The following RGS7 variants were observed in gnomAD, a reference collection of about 807,000 sequenced individuals.
RGS7 encodes the protein regulator of G protein signaling 7.
A neutral mutation model predicts 81.1 loss-of-function variants in RGS7; 27 were observed. The ratio of observed to expected loss-of-function variants is 0.33; its 90% CI spans 0.25 to 0.46. RGS7 has a LOEUF of 0.46. RGS7 is among the 20% of genes least tolerant of loss of function. The pLI is 1.00. For missense variants in RGS7, 396 were observed against 607.4 expected (o/e 0.65, Z 3.66); for synonymous variants, 208 against 207.7 (o/e 1.00, Z -0.01).
At chr1:240,906,166 A>C (rs1670777485) in intron 6 of RGS7, among the ~76,000 whole-genome samples, 1 of 152,150 alleles carries the variant, frequency 6.6e-6, no homozygotes, top group Non-Finnish European at 1.5e-5. Flanking sequence ...AGTTCACAAC[A>C]AGGCTGTGTT....
intron 2 of RGS7, 110 bp downstream of exon 2, chr1:241,355,589 C>G: frequency 2.2e-6 from 2 of 921,266 alleles, no homozygotes; most frequent in South Asian, 1.3e-5. Flanking sequence ...CACTGATGAT[C>G]TGGGAAATCC....
intron 2 of RGS7, among the ~76,000 whole-genome samples, chr1:241,300,384 C>A (rs1206737928): frequency 6.6e-6 from 1 of 152,088 alleles, no homozygotes; most frequent in Admixed American, 6.5e-5. Context: ...ATTAGGGTAT[C>A]AAATATCAAA....
intron 3 of RGS7, among the ~76,000 whole-genome samples, chr1:241,004,141 G>A (rs2058566501): frequency 6.6e-6 from 1 of 152,180 alleles, no homozygotes; most frequent in African/African-American, 2.4e-5. Flanking sequence ...TGTGTATAGA[G>A]GAGAAAGTTA....
At position 241,194,810 on chromosome 1, in the gene RGS7, GT is replaced by G. The variant is rs1558177094; in HGVS notation, c.79-96049del. Reference sequence around the variant, plus strand: ...CAAGAGATGTTCACCCCCCAAAGCAGTTACTAAAGGCTTGGAGGTTGACAGG... The same window carrying G: ...CAAGAGATGTTCACCCCCCAAAGCAGTACTAAAGGCTTGGAGGTTGACAGG... On this transcript the variant is annotated intron_variant, in intron 2 of 18. Coordinates refer to ENST00000440928, the MANE Select transcript of RGS7 (RefSeq NM_001364886.1). Among the ~76,000 whole-genome samples, 5 of 152,260 alleles carry G rather than the reference GT, an allele frequency of 3.3e-5. No homozygotes were observed. The East Asian group carries it at 9.7e-4, about 29-fold the overall frequency.
chr1:240,807,539 A>G (rs1442764250), intron 14 of RGS7, among the ~76,000 whole-genome samples: 2 of 152,218 alleles, frequency 1.3e-5, no homozygotes, highest in African/African-American at 4.8e-5. Context: ...ATGAGCTAGA[A>G]TTAGAATATC....
At chr1:240,800,505 T>C in intron 18 of RGS7, 136 bp downstream of exon 18, 1 of 432,378 alleles carries the variant, frequency 2.3e-6, no homozygotes, top group Non-Finnish European at 4.2e-6. Flanking sequence ...TTGCTCACAT[T>C]TCAACACACA....
chr1:241,001,542 AC>A (rs1688141822), intron 3 of RGS7, among the ~76,000 whole-genome samples: 1 of 152,162 alleles, frequency 6.6e-6, no homozygotes, highest in Non-Finnish European at 1.5e-5. Flanking sequence ...GGCACTATAA[AC>A]AAAATAAAAA....
chr1:241,063,473 C>G (rs989710269), intron 3 of RGS7, among the ~76,000 whole-genome samples: 2 of 152,150 alleles, frequency 1.3e-5, no homozygotes, highest in Non-Finnish European at 2.9e-5. Flanking sequence ...GCACTACAGC[C>G]GCTCAGCATG....
chr1:240,862,925 A>G (rs1021560924), intron 9 of RGS7, among the ~76,000 whole-genome samples: 14 of 144,562 alleles, frequency 9.7e-5, no homozygotes, highest in South Asian at 4.5e-4. Flanking sequence ...TAAACTAAAT[A>G]TGTGTGTGTG....
chr1:240,886,040 T>C (rs10926375), intron 6 of RGS7, among the ~76,000 whole-genome samples: 68,077 of 152,066 alleles, frequency 0.45, 15,785 homozygotes, highest in East Asian at 0.53. Flanking sequence ...CAATGCAATA[T>C]CTATTTTAAA....
chr1:241,147,895 A>G (rs895457819), intron 2 of RGS7, among the ~76,000 whole-genome samples: 4 of 141,632 alleles, frequency 2.8e-5, no homozygotes, highest in African/African-American at 5.2e-5. Context: ...CTTCTCATTA[A>G]GTCATTTTTT....
chr1:241,351,382 G>A (rs1558350301), intron 2 of RGS7, among the ~76,000 whole-genome samples: 1 of 150,866 alleles, frequency 6.6e-6, no homozygotes, highest in African/African-American at 2.4e-5. Flanking sequence ...TTGCACCACT[G>A]CACTCCAGCC....
intron 2 of RGS7, among the ~76,000 whole-genome samples, chr1:241,218,057 G>T (rs777377769): frequency 2.0e-5 from 3 of 152,164 alleles, no homozygotes; most frequent in Non-Finnish European, 2.9e-5. Context: ...TCATGTGTGT[G>T]CATGTGGATA....
intron 3 of RGS7, among the ~76,000 whole-genome samples, chr1:241,088,340 C>G (rs1014065339): frequency 6.6e-6 from 1 of 151,728 alleles, no homozygotes; most frequent in Non-Finnish European, 1.5e-5. Flanking sequence ...AACACGCCAC[C>G]AAAAAACATA....
chr1:240,841,431 T>A (rs1313909171), intron 9 of RGS7, among the ~76,000 whole-genome samples: 2 of 152,184 alleles, frequency 1.3e-5, no homozygotes, highest in Non-Finnish European at 2.9e-5. Context: ...TGAGCCATAT[T>A]ATACAACCAG....
chr1:241,233,967 G>A (rs2075794132), intron 2 of RGS7, among the ~76,000 whole-genome samples: 1 of 151,840 alleles, frequency 6.6e-6, no homozygotes. Flanking sequence ...ATCTCACTTT[G>A]GCTTTGATTT....
chr1:241,169,072 C>T (rs2103247415), intron 2 of RGS7, among the ~76,000 whole-genome samples: 1 of 152,218 alleles, frequency 6.6e-6, no homozygotes, highest in South Asian at 2.1e-4. Flanking sequence ...CTCACAAAAA[C>T]TGTGAAGTAA....
At chr1:240,917,929 A>G (rs1385775912) in intron 6 of RGS7, among the ~76,000 whole-genome samples, 1 of 152,192 alleles carries the variant, frequency 6.6e-6, no homozygotes, top group Non-Finnish European at 1.5e-5. Context: ...ATGCCATGCT[A>G]AAACTAATCA....
chr1:240,816,079 A>C (rs1035462698), intron 11 of RGS7, among the ~76,000 whole-genome samples: 20 of 152,242 alleles, frequency 1.3e-4, no homozygotes, highest in Admixed American at 3.9e-4. Flanking sequence ...AGGAACAAGG[A>C]TTTGGGTAAA....
Sources: gnomAD v4.1 joint callset for allele counts (sites outside exome capture counted in the v4.1 genomes callset) on GRCh38, gnomAD v4.1.1 for gene constraint, MANE v1.5 for transcripts, NCBI Gene and HGNC (gene_info 2026-07-23, HGNC 2026-07-21) for gene names.